SAMD5: variants seen among roughly 807,000 people sequenced by gnomAD.
SAMD5 encodes sterile alpha motif domain containing 5.
In SAMD5, 13 loss-of-function variants were observed where a neutral mutation model predicts 11.3. The ratio of observed to expected loss-of-function variants is 1.15; its 90% confidence interval spans 0.75 to 1.83. The LOEUF is 1.83. SAMD5 is among the 40% of genes most tolerant of loss of function. The pLI, the probability that SAMD5 is intolerant of heterozygous loss-of-function variation, is 0.00. For synonymous variants in SAMD5, 129 were observed against 111.3 expected (o/e 1.16, Z -1.00); for missense variants, 255 against 239.1 (o/e 1.07, Z -0.44).
At chr6:147,772,562 T>A in the SAMD5 span, among the ~76,000 whole-genome samples, 2 of 151,984 alleles carry the variant, frequency 1.3e-5, no homozygotes, top group Non-Finnish European at 2.9e-5. Flanking sequence ...AAGATCAAGG[T>A]GTTACAGGGT....
chr6:147,709,767 A>G (rs1461788053), intron 1 of SAMD5, among the ~76,000 whole-genome samples: 1 of 152,188 alleles, frequency 6.6e-6, no homozygotes, highest in Non-Finnish European at 1.5e-5. Flanking sequence ...GGCTGTTCTC[A>G]GTTCCAAGAG....
At chr6:147,651,960 A>ACC (rs35097501) in intron 1 of SAMD5, among the ~76,000 whole-genome samples, 1 of 151,756 alleles carries the variant, frequency 6.6e-6, no homozygotes, top group Non-Finnish European at 1.5e-5. Context: ...CTCAACACCA[A>ACC]CCCCCGCATT....
At chr6:147,610,514 G>C (rs747070137) in intron 1 of SAMD5, among the ~76,000 whole-genome samples, 1 of 152,166 alleles carries the variant, frequency 6.6e-6, no homozygotes, top group African/African-American at 2.4e-5. Context: ...TTCAAGCATG[G>C]AATTGAAATG....
chr6:147,692,373 T>C (rs1791115982), intron 1 of SAMD5: 1 of 152,258 alleles, frequency 6.6e-6, no homozygotes, highest in African/African-American at 2.4e-5. Context: ...TAAAATTCCC[T>C]GTAGAATGTA....
At chr6:147,581,324 C>A (rs1789293907) in intron 1 of SAMD5, among the ~76,000 whole-genome samples, 1 of 152,240 alleles carries the variant, frequency 6.6e-6, no homozygotes, top group Admixed American at 6.5e-5. Flanking sequence ...GAGATATGTC[C>A]TTGGAAGTTA....
Position 147,565,795 on chromosome 6 carries a change from G to C in SAMD5, c.*1339G>C. 2 of 985,308 alleles carry C rather than the reference G, an allele frequency of 2.0e-6. No individual in the cohort carries two copies. The highest frequency in any genetic ancestry group is 2.4e-6 in the Non-Finnish European group (2 of 829,896). 61.0% of individuals were successfully genotyped at this position (985,308 alleles called of 1,614,324 possible). ...TAGTTTTATTTTCTGCTTAGAAAAC[G>C]CAACCATGTTGATGGGACCAAAAAC... is the stretch of plus-strand genomic sequence containing the variant. On this transcript the variant is annotated 3_prime_UTR_variant, in exon 2 of 2. Coordinates refer to ENST00000367474, the MANE Select transcript of SAMD5 (RefSeq NM_001030060.3).
chr6:147,855,458 C>T, the SAMD5 span, among the ~76,000 whole-genome samples: 1 of 152,164 alleles, frequency 6.6e-6, no homozygotes, highest in Non-Finnish European at 1.5e-5. Context: ...GCCAACACTA[C>T]ACTTTCATGC....
chr6:147,828,584 C>T, the SAMD5 span, among the ~76,000 whole-genome samples: 2 of 152,144 alleles, frequency 1.3e-5, no homozygotes, highest in Non-Finnish European at 2.9e-5. Context: ...GTCTTCCTCC[C>T]GTGCTGGAGG....
chr6:147,911,905 T>C, the SAMD5 span, among the ~76,000 whole-genome samples: 1 of 152,176 alleles, frequency 6.6e-6, no homozygotes, highest in African/African-American at 2.4e-5. Flanking sequence ...TGTCTGGTGA[T>C]TGCCTGGCTA....
At chr6:147,539,720 G>A (rs1227250398) in intron 1 of SAMD5, among the ~76,000 whole-genome samples, 1 of 150,810 alleles carries the variant, frequency 6.6e-6, no homozygotes, top group African/African-American at 2.4e-5. Context: ...AAAAAATGGA[G>A]AAAAATAATT....
chr6:147,511,765 G>A (rs573338330), intron 1 of SAMD5, among the ~76,000 whole-genome samples: 18 of 152,184 alleles, frequency 1.2e-4, no homozygotes, highest in African/African-American at 3.6e-4. Context: ...ACCAGATCAC[G>A]TTGATCATTC....
chr6:147,889,618 C>T, the SAMD5 span, among the ~76,000 whole-genome samples: 7 of 152,114 alleles, frequency 4.6e-5, no homozygotes, highest in African/African-American at 1.4e-4. Context: ...ACAAAATTTG[C>T]GTCAAAGGAT....
At chr6:147,807,019 T>A in the SAMD5 span, among the ~76,000 whole-genome samples, 1,182 of 152,200 alleles carry the variant, frequency 7.8e-3, 18 homozygotes, top group Middle Eastern at 0.041. Flanking sequence ...GAAACCAAAT[T>A]AGCCGACATT....
chr6:147,624,247 A>ACC (rs1027831679), intron 1 of SAMD5, among the ~76,000 whole-genome samples: 1 of 152,138 alleles, frequency 6.6e-6, no homozygotes, highest in African/African-American at 2.4e-5. Flanking sequence ...TTAACAGTGG[A>ACC]GTGTGCTCAG....
intron 1 of SAMD5, among the ~76,000 whole-genome samples, chr6:147,737,119 A>G (rs1791815446): frequency 6.6e-6 from 1 of 152,116 alleles, no homozygotes; most frequent in African/African-American, 2.4e-5. Context: ...ATTATAGTGT[A>G]TTATATGTTA....
chr6:147,762,271 C>G, the SAMD5 span, among the ~76,000 whole-genome samples: 1 of 152,088 alleles, frequency 6.6e-6, no homozygotes, highest in African/African-American at 2.4e-5. Flanking sequence ...AGTGGCGCAA[C>G]CTCAGCTCCC....
chr6:147,753,034 T>C, the SAMD5 span, among the ~76,000 whole-genome samples: 1 of 152,232 alleles, frequency 6.6e-6, no homozygotes, highest in Non-Finnish European at 1.5e-5. Flanking sequence ...AGAATTGGAA[T>C]GTGATGCTTG....
the SAMD5 span, among the ~76,000 whole-genome samples, chr6:147,916,650 C>T: frequency 6.6e-6 from 1 of 151,728 alleles, no homozygotes; most frequent in Middle Eastern, 3.2e-3. Flanking sequence ...TGGTGTGCTG[C>T]ACCCATTAAC....
chr6:147,581,938 A>G (rs9390478), intron 1 of SAMD5, among the ~76,000 whole-genome samples: 1,639 of 152,252 alleles, frequency 0.011, 69 homozygotes, highest in Admixed American at 0.074. Context: ...GACAGTGGAT[A>G]AAGACACAGA....
Sources: allele counts gnomAD v4.1 joint callset (sites outside exome capture counted in the v4.1 genomes callset), GRCh38; gene constraint gnomAD v4.1.1; transcripts MANE v1.5; gene names NCBI Gene and HGNC (gene_info 2026-07-23, HGNC 2026-07-21).